The following ENTREP2 variants were observed in gnomAD, a reference collection of about 807,000 sequenced individuals.
ENTREP2 encodes the protein endosomal transmembrane epsin interactor 2, also known as protein ENTREP2.
chr15:29,252,164 T>C, the ENTREP2 span, among the ~76,000 whole-genome samples: 1 of 152,234 alleles, frequency 6.6e-6, no homozygotes, highest in Non-Finnish European at 1.5e-5. Flanking sequence ...TTTTAATTGT[T>C]CTACTTATAA....
At chr15:29,396,242 T>A in the ENTREP2 span, among the ~76,000 whole-genome samples, 3 of 152,186 alleles carry the variant, frequency 2.0e-5, no homozygotes, top group African/African-American at 7.2e-5. Flanking sequence ...TTTATACCCT[T>A]TGACCAACAT....
chr15:29,289,151 G>A, the ENTREP2 span, among the ~76,000 whole-genome samples: 10 of 150,608 alleles, frequency 6.6e-5, no homozygotes, highest in Middle Eastern at 3.2e-3. Flanking sequence ...AGGTTGCAGC[G>A]AGCCAAGATC....
chr15:29,342,675 G>A, the ENTREP2 span, among the ~76,000 whole-genome samples: 9 of 152,184 alleles, frequency 5.9e-5, no homozygotes, highest in Admixed American at 5.9e-4. Flanking sequence ...GTTTTTGCCT[G>A]ACATGGCAGG....
the ENTREP2 span, among the ~76,000 whole-genome samples, chr15:29,152,301 A>G: frequency 0.038 from 5,835 of 152,226 alleles, 345 homozygotes; most frequent in African/African-American, 0.13. Flanking sequence ...TGGCAAATCT[A>G]TAGTACAATA....
At chr15:29,655,243 G>T in the ENTREP2 span, among the ~76,000 whole-genome samples, 1 of 152,178 alleles carries the variant, frequency 6.6e-6, no homozygotes, top group African/African-American at 2.4e-5. Context: ...AGCTGAGAGT[G>T]TAACAAGAAA....
the ENTREP2 span, among the ~76,000 whole-genome samples, chr15:29,302,989 C>G: frequency 6.6e-6 from 1 of 152,276 alleles, no homozygotes; most frequent in South Asian, 2.1e-4. Flanking sequence ...CCAGACCTGA[C>G]CAACTCTGCA....
chr15:29,544,308 AG>A, the ENTREP2 span, among the ~76,000 whole-genome samples: 1 of 152,178 alleles, frequency 6.6e-6, no homozygotes, highest in African/African-American at 2.4e-5. Flanking sequence ...AGATTGATAG[AG>A]ACAGGAGGTA....
the ENTREP2 span, among the ~76,000 whole-genome samples, chr15:29,570,972 T>C: frequency 4.2e-5 from 6 of 143,530 alleles, no homozygotes; most frequent in South Asian, 4.3e-4. Context: ...CGCGCCGCGC[T>C]GCGCCCTCCC....
At chr15:29,360,267 T>C in the ENTREP2 span, among the ~76,000 whole-genome samples, 35 of 152,336 alleles carry the variant, frequency 2.3e-4, no homozygotes, top group Non-Finnish European at 3.8e-4. Context: ...TTGAATCTAG[T>C]GACACTTCAT....
the ENTREP2 span, among the ~76,000 whole-genome samples, chr15:29,460,741 A>G: frequency 5.3e-5 from 8 of 152,234 alleles, no homozygotes; most frequent in Admixed American, 3.3e-4. Flanking sequence ...CAAAAAGATT[A>G]TTAGGATTCT....
chr15:29,582,989 G>A, the ENTREP2 span, among the ~76,000 whole-genome samples: 1 of 152,094 alleles, frequency 6.6e-6, no homozygotes, highest in Non-Finnish European at 1.5e-5. Flanking sequence ...ATTAAAGGAG[G>A]ATACTCTGTA....
chr15:29,339,883 G>A, the ENTREP2 span, among the ~76,000 whole-genome samples: 1 of 152,256 alleles, frequency 6.6e-6, no homozygotes, highest in Non-Finnish European at 1.5e-5. Flanking sequence ...TTCATCACCT[G>A]ATGTTATCGG....
At chr15:29,261,257 A>T in the ENTREP2 span, among the ~76,000 whole-genome samples, 1 of 152,232 alleles carries the variant, frequency 6.6e-6, no homozygotes, top group African/African-American at 2.4e-5. Flanking sequence ...GCTCGCCTGT[A>T]ATCCCAGCTG....
the ENTREP2 span, among the ~76,000 whole-genome samples, chr15:29,398,744 CAA>C: frequency 6.6e-6 from 1 of 152,022 alleles, no homozygotes; most frequent in Non-Finnish European, 1.5e-5. Context: ...TAAAATAAAA[CAA>C]AATGATTCTG....
the ENTREP2 span, among the ~76,000 whole-genome samples, chr15:29,296,511 C>T: frequency 6.6e-6 from 1 of 152,034 alleles, no homozygotes; most frequent in African/African-American, 2.4e-5. Flanking sequence ...AATAACTAGG[C>T]CCAAAATCGA....
the ENTREP2 span, among the ~76,000 whole-genome samples, chr15:29,352,845 A>G: frequency 1.3e-5 from 2 of 152,214 alleles, no homozygotes; most frequent in African/African-American, 4.8e-5. Context: ...CTCCTCTGCC[A>G]ACCACTTGGC....
At chr15:29,189,973 G>A in the ENTREP2 span, among the ~76,000 whole-genome samples, 2 of 152,226 alleles carry the variant, frequency 1.3e-5, no homozygotes, top group Non-Finnish European at 2.9e-5. Flanking sequence ...GGCAGATACT[G>A]AAATCCTAAT....
At chr15:29,165,180 A>T in the ENTREP2 span, among the ~76,000 whole-genome samples, 1 of 152,142 alleles carries the variant, frequency 6.6e-6, no homozygotes, top group African/African-American at 2.4e-5. Context: ...AGGTGGTGCC[A>T]AGAGGAAAGT....
At chr15:29,221,941 C>T in the ENTREP2 span, among the ~76,000 whole-genome samples, 1 of 152,246 alleles carries the variant, frequency 6.6e-6, no homozygotes, top group East Asian at 1.9e-4. Flanking sequence ...GTTTCAAAAA[C>T]ATTAAATTAG....
Sources: allele counts gnomAD v4.1 joint callset (sites outside exome capture counted in the v4.1 genomes callset), GRCh38; gene constraint gnomAD v4.1.1; transcripts MANE v1.5; gene names NCBI Gene and HGNC (gene_info 2026-07-23, HGNC 2026-07-21).